Variants in PHF14 observed in about 807,000 individuals in gnomAD.
PHF14 encodes PHD finger protein 14.
A neutral mutation model predicts 117.9 loss-of-function variants in PHF14; 55 were observed. The observed-to-expected ratio is 0.47, with a 90% CI of 0.38 to 0.58. The LOEUF (loss-of-function observed/expected upper bound fraction) is 0.58, where lower values mean the gene tolerates loss of function less well. Ranked by LOEUF, PHF14 falls within the 20% of genes least tolerant of loss-of-function variation. The probability of loss-of-function intolerance (pLI) is 0.00; values close to 1 mark genes in which losing one functional copy is unlikely to be tolerated. For missense variants in PHF14, 978 were observed against 1,122.2 expected (o/e 0.87, Z 1.84); for synonymous variants, 409 against 368.6 (o/e 1.11, Z -1.26).
Position 11,037,029 on chromosome 7 carries a change from C to A in PHF14, c.1918C>A (p.Gln640Lys). Residue 640 changes from glutamine (Q) to lysine (K), a missense_variant, in exon 10 of 18, where the codon CAA becomes AAA. This residue lies in a region of PHF14 where 237 missense variants were observed against 276.4 expected (regional missense o/e 0.86). Transcript: ENST00000634607. ...MIQIQENMAE[Q>K]KNIKDKLENE... ...TCAAATTCAGGAAAATATGGCTGAACAAAAGAATATAAAAGATAAATTAGA... is the reference window on the plus strand; with the variant it reads ...TCAAATTCAGGAAAATATGGCTGAAAAAAAGAATATAAAAGATAAATTAGA... The A allele has an allele frequency of 6.6e-7, 1 of 1,515,126 alleles. No individual in the cohort carries two copies. The highest frequency in any genetic ancestry group is 9.0e-7 in the Non-Finnish European group (1 of 1,106,998). The allele number at this position is 1,515,126 out of a possible 1,614,324, so 93.9% of individuals were successfully genotyped here.
intron 17 of PHF14, among the ~76,000 whole-genome samples, chr7:11,116,991 T>C (rs186180226): frequency 6.6e-6 from 1 of 152,082 alleles, no homozygotes; most frequent in Admixed American, 6.6e-5. Context: ...CTTCAGTCTT[T>C]TCCAGGATAT....
chr7:11,007,059 C>T (rs1376806031), intron 4 of PHF14, among the ~76,000 whole-genome samples: 1 of 152,004 alleles, frequency 6.6e-6, no homozygotes, highest in Non-Finnish European at 1.5e-5. Flanking sequence ...CACCTGTAAT[C>T]CCAGCTACTT....
At chr7:11,104,021 A>G in intron 16 of PHF14, 1 of 985,054 alleles carries the variant, frequency 1.0e-6, no homozygotes, top group Non-Finnish European at 1.2e-6. Flanking sequence ...AAGCAAAATG[A>G]CAGATTGCCA....
chr7:11,146,555 T>C (rs1311860160), intron 17 of PHF14, among the ~76,000 whole-genome samples: 1 of 152,204 alleles, frequency 6.6e-6, no homozygotes, highest in Non-Finnish European at 1.5e-5. Context: ...ACTACAATCA[T>C]GTAGAGATAA....
intron 2 of PHF14, among the ~76,000 whole-genome samples, chr7:10,980,370 A>G (rs1782009607): frequency 6.6e-6 from 1 of 152,140 alleles, no homozygotes; most frequent in Non-Finnish European, 1.5e-5. Flanking sequence ...TGCATAAAAA[A>G]TCTTTCTGTG....
At chr7:11,086,257 T>G (rs1256995004) in intron 16 of PHF14, among the ~76,000 whole-genome samples, 3 of 152,192 alleles carry the variant, frequency 2.0e-5, no homozygotes, top group Non-Finnish European at 4.4e-5. Context: ...AAATCTAGAC[T>G]GTATAGCATG....
intron 5 of PHF14, among the ~76,000 whole-genome samples, chr7:11,017,056 C>G (rs1783558789): frequency 6.6e-6 from 1 of 152,080 alleles, no homozygotes; most frequent in South Asian, 2.1e-4. Context: ...CTAGTTCCAC[C>G]CAAGTTGTTG....
chr7:11,039,077 T>G (rs910036027), intron 11 of PHF14, among the ~76,000 whole-genome samples: 6 of 152,176 alleles, frequency 3.9e-5, no homozygotes, highest in Non-Finnish European at 8.8e-5. Flanking sequence ...AGCTATCTTG[T>G]GTGCAAAATT....
intron 17 of PHF14, among the ~76,000 whole-genome samples, chr7:11,163,946 G>A (rs1161698876): frequency 3.9e-5 from 6 of 152,052 alleles, no homozygotes; most frequent in Non-Finnish European, 8.8e-5. Flanking sequence ...GTGTCTACAT[G>A]TTTTTTCCCT....
chr7:10,990,626 A>C (rs1782415968), intron 3 of PHF14, 77 bp from the exon 4 acceptor site: 3 of 849,848 alleles, frequency 3.5e-6, no homozygotes, highest in Non-Finnish European at 5.4e-6. Context: ...TGTTTAAGTA[A>C]TAAAGAATTT....
At chr7:11,062,128 C>A (rs1430828853) in intron 16 of PHF14, 43 bp downstream of exon 16, 2 of 1,514,038 alleles carry the variant, frequency 1.3e-6, no homozygotes, top group African/African-American at 2.8e-5. Context: ...GATGAAAGTT[C>A]TATATTTATT....
intron 16 of PHF14, 61 bp from the exon 17 acceptor site, chr7:11,111,289 T>C (rs1387802499): frequency 2.6e-6 from 2 of 758,676 alleles, no homozygotes; most frequent in Non-Finnish European, 4.5e-6. Flanking sequence ...TGTCTTTTCA[T>C]GAAGTAGATG....
intron 16 of PHF14, among the ~76,000 whole-genome samples, chr7:11,085,544 G>A (rs963934435): frequency 1.8e-4 from 28 of 152,098 alleles, no homozygotes; most frequent in African/African-American, 6.5e-4. Context: ...AAATTTAATC[G>A]TTTTTTAATT....
At chr7:11,063,826 C>T (rs1562447100) in intron 16 of PHF14, 2 of 284,964 alleles carry the variant, frequency 7.0e-6, no homozygotes, top group Non-Finnish European at 5.3e-6. Context: ...TAGTATTACT[C>T]TATGTTATTT....
At chr7:10,977,871 C>G (rs1781920045) in intron 2 of PHF14, among the ~76,000 whole-genome samples, 1 of 152,108 alleles carries the variant, frequency 6.6e-6, no homozygotes, top group South Asian at 2.1e-4. Flanking sequence ...ATATTTGAGA[C>G]TTGGGCATAG....
chr7:11,108,512 G>T (rs1787343212), intron 16 of PHF14: 2 of 151,568 alleles, frequency 1.3e-5, no homozygotes, highest in African/African-American at 4.8e-5. Flanking sequence ...TTTTCCTTTG[G>T]AATGCATCAC....
chr7:11,151,733 G>T (rs1403606122), intron 17 of PHF14, among the ~76,000 whole-genome samples: 1 of 152,000 alleles, frequency 6.6e-6, no homozygotes, highest in Admixed American at 6.6e-5. Context: ...CTCTGTAGAG[G>T]CTTGTGATTC....
intron 17 of PHF14, among the ~76,000 whole-genome samples, chr7:11,151,459 T>A (rs1788700273): frequency 6.6e-6 from 1 of 152,112 alleles, no homozygotes; most frequent in African/African-American, 2.4e-5. Context: ...CTTGGGGAGC[T>A]GAGGCCAGAG....
chr7:11,092,806 C>G (rs1235218800), intron 16 of PHF14, among the ~76,000 whole-genome samples: 1 of 152,056 alleles, frequency 6.6e-6, no homozygotes, highest in Non-Finnish European at 1.5e-5. Context: ...ATACAGTTGT[C>G]TTGGCCAAAA....
Sources: allele counts gnomAD v4.1 joint callset (sites outside exome capture counted in the v4.1 genomes callset), GRCh38; gene constraint gnomAD v4.1.1; regional missense constraint gnomAD v4.1.1; transcripts MANE v1.5; gene names NCBI Gene and HGNC (gene_info 2026-07-23, HGNC 2026-07-21).